IFT74: variants seen among roughly 807,000 people sequenced by gnomAD.
IFT74 encodes intraflagellar transport protein 74 homolog.
Under a neutral mutation model 96.7 loss-of-function variants are expected in IFT74, and 92 were observed. The observed-to-expected ratio is 0.95, with a 90% CI of 0.80 to 1.13. IFT74 has a LOEUF of 1.13. Ranked by LOEUF, IFT74 falls within the 50% of genes most tolerant of loss-of-function variation. The probability of loss-of-function intolerance (pLI) is 0.00; values close to 1 mark genes in which losing one functional copy is unlikely to be tolerated. For synonymous variants in IFT74, 223 were observed against 213.2 expected (o/e 1.05, Z -0.40); for missense variants, 811 against 698.2 (o/e 1.16, Z -1.82).
At chr9:26,982,241 C>T (rs1167025376) in intron 4 of IFT74, 6 of 317,680 alleles carry the variant, frequency 1.9e-5, no homozygotes, top group Non-Finnish European at 3.1e-5. Flanking sequence ...ACCAATGTGG[C>T]CTAATTTTAA....
intron 2 of IFT74, among the ~76,000 whole-genome samples, chr9:26,977,812 C>T (rs1000621878): frequency 7.9e-5 from 12 of 152,152 alleles, no homozygotes; most frequent in Admixed American, 5.9e-4. Context: ...TTATATACTG[C>T]AGCTTATTTA....
chr9:27,018,621 A>G (rs767818343), intron 11 of IFT74, 26 bp from the exon 12 acceptor site: 1 of 1,364,756 alleles, frequency 7.3e-7, no homozygotes, highest in East Asian at 2.3e-5. Flanking sequence ...TTTTTTAAAT[A>G]CTACTTTCTT....
At position 27,044,701 on chromosome 9, in the gene IFT74, G is replaced by A. The variant is rs762989245; in HGVS notation, c.1055-41G>A. 4 of 1,190,338 alleles carry A rather than the reference G, an allele frequency of 3.4e-6. No homozygotes were observed. The South Asian group carries it at 5.2e-5, about 16-fold the overall frequency. 73.7% of individuals were successfully genotyped at this position (1,190,338 alleles called of 1,614,324 possible). On this transcript the variant is annotated intron_variant, in intron 13 of 19. Coordinates refer to ENST00000380062, the MANE Select transcript of IFT74 (RefSeq NM_025103.4). ...ATTTTTAATTTAGAGCCCTGTATGT[G>A]CAATTTTTGAAATTCATGTTGTATT...
intron 1 of IFT74, 139 bp downstream of exon 1, chr9:26,956,655 C>G (rs60598748): frequency 1.3e-5 from 2 of 152,358 alleles, no homozygotes; most frequent in Non-Finnish European, 2.9e-5. Flanking sequence ...GTAGCCAGGC[C>G]AGGCATGTAC....
intron 9 of IFT74, among the ~76,000 whole-genome samples, chr9:27,011,027 A>G (rs1351258875): frequency 6.6e-6 from 1 of 152,178 alleles, no homozygotes. Context: ...AAGATTTCTA[A>G]GATACTGTGA....
At chr9:27,042,753 AAC>A (rs1819534037) in intron 13 of IFT74, among the ~76,000 whole-genome samples, 1 of 152,202 alleles carries the variant, frequency 6.6e-6, no homozygotes, top group Non-Finnish European at 1.5e-5. Context: ...AAATAGCCAG[AAC>A]AAGAAACTAG....
intron 12 of IFT74, among the ~76,000 whole-genome samples, chr9:27,026,934 CA>C (rs1267009266): frequency 1.2e-5 from 1 of 83,770 alleles, no homozygotes; most frequent in Admixed American, 1.6e-4. Flanking sequence ...CAAGCACAAA[CA>C]AAACCCAAAC....
At chr9:27,059,519 G>A (rs922553944) in intron 18 of IFT74, among the ~76,000 whole-genome samples, 3 of 152,100 alleles carry the variant, frequency 2.0e-5, no homozygotes, top group African/African-American at 4.8e-5. Context: ...ATGAAACAAT[G>A]ACAAAAAAGT....
intron 8 of IFT74, among the ~76,000 whole-genome samples, chr9:26,990,576 A>T (rs959366025): frequency 6.6e-5 from 10 of 152,154 alleles, no homozygotes; most frequent in Non-Finnish European, 1.3e-4. Context: ...AGCTATTTAC[A>T]TTATTTCATT....
At chr9:27,000,802 C>T (rs1297456251) in intron 8 of IFT74, among the ~76,000 whole-genome samples, 1 of 152,158 alleles carries the variant, frequency 6.6e-6, no homozygotes, top group Non-Finnish European at 1.5e-5. Flanking sequence ...AACAAACCTG[C>T]ATAACCTGCA....
intron 13 of IFT74, among the ~76,000 whole-genome samples, chr9:27,040,012 A>G (rs1455376714): frequency 6.6e-6 from 1 of 152,222 alleles, no homozygotes; most frequent in South Asian, 2.1e-4. Flanking sequence ...GTTCTGGCTC[A>G]CTAAAATATG....
At chr9:27,038,933 A>G (rs1819339519) in intron 13 of IFT74, among the ~76,000 whole-genome samples, 1 of 152,202 alleles carries the variant, frequency 6.6e-6, no homozygotes, top group Non-Finnish European at 1.5e-5. Flanking sequence ...ACAGCTTCCT[A>G]GAACAATGTT....
intron 13 of IFT74, among the ~76,000 whole-genome samples, chr9:27,029,969 C>T (rs1830046986): frequency 6.6e-6 from 1 of 151,970 alleles, no homozygotes; most frequent in African/African-American, 2.4e-5. Flanking sequence ...AATGCAGGTA[C>T]CAGAACACCT....
intron 3 of IFT74, among the ~76,000 whole-genome samples, chr9:26,979,216 TA>T (rs1827253912): frequency 6.6e-6 from 1 of 152,002 alleles, no homozygotes; most frequent in African/African-American, 2.4e-5. Context: ...CACTAAATAT[TA>T]AAAATGAATT....
chr9:27,013,277 C>A (rs1445475598), intron 10 of IFT74, among the ~76,000 whole-genome samples: 1 of 152,092 alleles, frequency 6.6e-6, no homozygotes, highest in Non-Finnish European at 1.5e-5. Flanking sequence ...TCCTAGAGAA[C>A]CTCCTCATTA....
chr9:27,026,660 T>C (rs550367567), intron 12 of IFT74, among the ~76,000 whole-genome samples: 1 of 152,032 alleles, frequency 6.6e-6, no homozygotes, highest in African/African-American at 2.4e-5. Flanking sequence ...GGAAATCAAC[T>C]CCAAAAGGAA....
At chr9:26,996,544 A>G (rs765130960) in intron 8 of IFT74, 3 of 1,219,644 alleles carry the variant, frequency 2.5e-6, no homozygotes, top group South Asian at 6.2e-5. Context: ...GAAAAATAAT[A>G]GTTAACAACA....
At chr9:27,003,351 C>G (rs1036318909) in intron 8 of IFT74, among the ~76,000 whole-genome samples, 11 of 152,026 alleles carry the variant, frequency 7.2e-5, no homozygotes, top group Admixed American at 6.6e-4. Context: ...GGCGAAACCT[C>G]ATCTCTACTA....
intron 8 of IFT74, among the ~76,000 whole-genome samples, chr9:26,996,132 T>C (rs1171251678): frequency 6.6e-6 from 1 of 152,210 alleles, no homozygotes; most frequent in Non-Finnish European, 1.5e-5. Context: ...ATTTGCACGA[T>C]GGCATTTGGC....
Sources: allele counts gnomAD v4.1 joint callset (sites outside exome capture counted in the v4.1 genomes callset), GRCh38; gene constraint gnomAD v4.1.1; transcripts MANE v1.5; gene names NCBI Gene and HGNC (gene_info 2026-07-23, HGNC 2026-07-21).